MAF: variants seen among roughly 807,000 people sequenced by gnomAD.
The protein encoded by MAF is transcription factor Maf.
Under a neutral mutation model 22.0 loss-of-function variants are expected in MAF, and 10 were observed. The observed-to-expected ratio is 0.45, with a 90% confidence interval of 0.28 to 0.77. MAF has a LOEUF of 0.77. Ranked by LOEUF, MAF falls within the 30% of genes least tolerant of loss-of-function variation. The probability of loss-of-function intolerance (pLI) is 0.12; values close to 1 mark genes in which losing one functional copy is unlikely to be tolerated. For missense variants in MAF, 544 were observed against 548.4 expected (o/e 0.99, Z 0.08); for synonymous variants, 337 against 255.8 (o/e 1.32, Z -3.03).
chr16:79,339,612 C>G, the MAF span, among the ~76,000 whole-genome samples: 1 of 152,160 alleles, frequency 6.6e-6, no homozygotes, highest in Non-Finnish European at 1.5e-5. Flanking sequence ...ACTATTCTAA[C>G]TAATACAATA....
chr16:79,371,341 C>G, the MAF span, among the ~76,000 whole-genome samples: 1 of 152,152 alleles, frequency 6.6e-6, no homozygotes, highest in Non-Finnish European at 1.5e-5. Flanking sequence ...CCATATTGTA[C>G]TAGTCAAAGG....
the MAF span, among the ~76,000 whole-genome samples, chr16:79,305,369 C>G: frequency 1.3e-5 from 2 of 152,322 alleles, no homozygotes; most frequent in East Asian, 3.9e-4. Context: ...TGCTCCAGTC[C>G]CAACCTACTT....
the MAF span, among the ~76,000 whole-genome samples, chr16:79,338,747 C>G: frequency 6.6e-6 from 1 of 152,154 alleles, no homozygotes; most frequent in Non-Finnish European, 1.5e-5. Context: ...CACTTGGCTC[C>G]TTGCTAAGGA....
At chr16:79,286,906 G>A in the MAF span, among the ~76,000 whole-genome samples, 1 of 152,130 alleles carries the variant, frequency 6.6e-6, no homozygotes, top group African/African-American at 2.4e-5. Context: ...GTATCGACGA[G>A]TTCTTGGAGT....
chr16:79,581,471 C>G (rs994799626), downstream of MAF, among the ~76,000 whole-genome samples: 2 of 152,196 alleles, frequency 1.3e-5, no homozygotes, highest in African/African-American at 4.8e-5. Flanking sequence ...CTGCTGCTGG[C>G]AGCACCCAGG....
At chr16:79,588,565 G>C (rs184510751) in intron 1 of MAF, among the ~76,000 whole-genome samples, 1 of 151,528 alleles carries the variant, frequency 6.6e-6, no homozygotes, top group African/African-American at 2.4e-5. Context: ...AGGTTCAAGC[G>C]ATTCTCCTGT....
chr16:79,355,453 G>A, the MAF span, among the ~76,000 whole-genome samples: 4 of 152,116 alleles, frequency 2.6e-5, no homozygotes, highest in Admixed American at 2.0e-4. Flanking sequence ...TCCTCCCATG[G>A]CCATTGGCCA....
chr16:79,495,648 C>T, the MAF span, among the ~76,000 whole-genome samples: 12 of 152,064 alleles, frequency 7.9e-5, no homozygotes, highest in South Asian at 4.1e-4. Flanking sequence ...CTGCCTGCCG[C>T]GACTGTTAAA....
the MAF span, among the ~76,000 whole-genome samples, chr16:79,213,470 C>T: frequency 1.3e-5 from 2 of 152,268 alleles, no homozygotes; most frequent in African/African-American, 4.8e-5. Flanking sequence ...CAGAACTCCA[C>T]TCTCAGAATC....
the MAF span, among the ~76,000 whole-genome samples, chr16:79,517,526 G>A: frequency 6.6e-6 from 1 of 151,158 alleles, no homozygotes; most frequent in East Asian, 1.9e-4. Flanking sequence ...TCAAGTCTTG[G>A]AGCTCCTTTC....
intron 1 of MAF, among the ~76,000 whole-genome samples, chr16:79,586,972 T>G (rs1011410223): frequency 2.0e-5 from 3 of 152,266 alleles, no homozygotes; most frequent in African/African-American, 7.2e-5. Context: ...TACCTTACAA[T>G]TGGTGCGAAC....
At chr16:79,543,543 C>A in the MAF span, among the ~76,000 whole-genome samples, 1 of 152,182 alleles carries the variant, frequency 6.6e-6, no homozygotes, top group African/African-American at 2.4e-5. Context: ...GACAGACGCG[C>A]TCAGTCACAA....
At chr16:79,549,410 T>C in the MAF span, among the ~76,000 whole-genome samples, 1 of 152,192 alleles carries the variant, frequency 6.6e-6, no homozygotes, top group South Asian at 2.1e-4. Context: ...CACTATCCTT[T>C]AAGAAAGCCA....
chr16:79,434,835 T>C, the MAF span, among the ~76,000 whole-genome samples: 2 of 152,180 alleles, frequency 1.3e-5, no homozygotes, highest in Non-Finnish European at 1.5e-5. Flanking sequence ...TTTCTGGTCC[T>C]GTTCACAGAG....
the MAF span, among the ~76,000 whole-genome samples, chr16:79,459,377 G>A: frequency 6.6e-6 from 1 of 152,132 alleles, no homozygotes; most frequent in Non-Finnish European, 1.5e-5. Context: ...TAAAAATGCT[G>A]CCCTTGTGGA....
At chr16:79,516,171 A>T in the MAF span, 4 of 152,172 alleles carry the variant, frequency 2.6e-5, no homozygotes, top group South Asian at 8.3e-4. Flanking sequence ...AAGACCCTCG[A>T]ACAGGTCCAA....
the MAF span, among the ~76,000 whole-genome samples, chr16:79,400,034 A>G: frequency 1.3e-5 from 2 of 152,222 alleles, no homozygotes; most frequent in Non-Finnish European, 1.5e-5. Context: ...AGTACCCGAC[A>G]CAGGTCTAGA....
At chr16:79,487,396 A>ATGTGCCTATTTGTATAGGCATATG in the MAF span, among the ~76,000 whole-genome samples, 7 of 152,174 alleles carry the variant, frequency 4.6e-5, no homozygotes, top group Non-Finnish European at 7.3e-5. Flanking sequence ...ATATATGGGT[A>ATGTGCCTATTTGTATAGGCATATG]TATGTGCCTA....
At chr16:79,588,000 C>T (rs1043342104) in intron 1 of MAF, among the ~76,000 whole-genome samples, 3 of 151,954 alleles carry the variant, frequency 2.0e-5, no homozygotes, top group Non-Finnish European at 4.4e-5. Flanking sequence ...GGTCTCACAT[C>T]GGGGTAAGAG....
Sources: gnomAD v4.1 joint callset for allele counts (sites outside exome capture counted in the v4.1 genomes callset) on GRCh38, gnomAD v4.1.1 for gene constraint, MANE v1.5 for transcripts, NCBI Gene and HGNC (gene_info 2026-07-23, HGNC 2026-07-21) for gene names.